The following TMEM181 variants were observed in gnomAD, a reference collection of about 807,000 sequenced individuals.
TMEM181 encodes transmembrane protein 181.
In TMEM181, 39 loss-of-function variants were observed where a neutral mutation model predicts 71.9. That is an observed-to-expected ratio of 0.54 (90% CI 0.42 to 0.71). The LOEUF (loss-of-function observed/expected upper bound fraction) is 0.71, where lower values mean the gene tolerates loss of function less well. Ranked by LOEUF, TMEM181 falls within the 30% of genes least tolerant of loss-of-function variation. The pLI, the probability that TMEM181 is intolerant of heterozygous loss-of-function variation, is 0.00. For synonymous variants in TMEM181, 245 were observed against 228.8 expected, an observed-to-expected ratio of 1.07 and a Z score of -0.64; for missense variants, 595 against 583.0, an observed-to-expected ratio of 1.02 and a Z score of -0.21.
chr6:158,618,890 T>C (rs762866910), intron 10 of TMEM181, among the ~76,000 whole-genome samples: 11 of 152,244 alleles, frequency 7.2e-5, no homozygotes, highest in Admixed American at 2.0e-4. Context: ...CCTTTGTGAG[T>C]AACCTGACCT....
chr6:158,559,395 CTTTA>C (rs1782026293), upstream of TMEM181, among the ~76,000 whole-genome samples: 1 of 152,178 alleles, frequency 6.6e-6, no homozygotes, highest in African/African-American at 2.4e-5. Context: ...CTTGGAAGTC[CTTTA>C]TTTAACTCAT....
chr6:158,574,130 GTT>G, intron 2 of TMEM181, among the ~76,000 whole-genome samples: 1 of 152,274 alleles, frequency 6.6e-6, no homozygotes, highest in South Asian at 2.1e-4. Flanking sequence ...CCATTGCTTT[GTT>G]TCCCTCTTAA....
intron 11 of TMEM181, 35 bp downstream of exon 11, chr6:158,623,642 C>A: frequency 4.1e-6 from 6 of 1,449,442 alleles, no homozygotes; most frequent in Non-Finnish European, 5.7e-6. Flanking sequence ...AATTTTTCTT[C>A]TTAATGCTGT....
chr6:158,579,609 C>T (rs1445769462), intron 2 of TMEM181, among the ~76,000 whole-genome samples: 2 of 152,008 alleles, frequency 1.3e-5, no homozygotes, highest in East Asian at 3.9e-4. Context: ...ATCCCAGCTA[C>T]TTGGGAGGCT....
At position 158,584,141 on chromosome 6, in the gene TMEM181, AAGAT is replaced by A. The variant is rs1456367953; in HGVS notation, c.259+102_259+105del. On this transcript the variant is annotated intron_variant, in intron 4 of 16. Coordinates refer to ENST00000684151, the MANE Select transcript of TMEM181 (RefSeq NM_001376852.1). ...GAATATTCAGACAAGCAAGTGCTCA[AAGAT>A]AGATGTATAAGGATGTCCATTATTA... 3.0e-6 allele frequency: 3 copies of A among 1,004,282 alleles called. No individual in the cohort carries two copies. In the East Asian group the frequency reaches 7.6e-5, roughly 25 times the overall value. 62.2% of individuals were successfully genotyped at this position (1,004,282 alleles called of 1,614,324 possible).
chr6:158,615,985 ATAAACTT>A (rs148369879), intron 10 of TMEM181, among the ~76,000 whole-genome samples: 5,282 of 152,300 alleles, frequency 0.035, 111 homozygotes, highest in Non-Finnish European at 0.057. Context: ...TTGGCTCCAT[ATAAACTT>A]TAAAGTAGTT....
At chr6:158,627,277 CG>C (rs578039223) in intron 13 of TMEM181, among the ~76,000 whole-genome samples, 9 of 152,208 alleles carry the variant, frequency 5.9e-5, no homozygotes, top group Non-Finnish European at 1.0e-4. Flanking sequence ...GCCTCCGTCT[CG>C]GAAGTTGCCC....
intron 5 of TMEM181, among the ~76,000 whole-genome samples, chr6:158,585,879 C>T (rs1469744932): frequency 2.0e-5 from 3 of 152,286 alleles, no homozygotes; most frequent in African/African-American, 7.2e-5. Flanking sequence ...GGCTGGAGTG[C>T]AGTGGCACAA....
At chr6:158,540,885 G>C (rs556222708) in intron 1 of TMEM181, among the ~76,000 whole-genome samples, 1 of 152,192 alleles carries the variant, frequency 6.6e-6, no homozygotes, top group Admixed American at 6.5e-5. Flanking sequence ...CAGCCTCCCA[G>C]GTAGCTGGTA....
At position 158,569,600 on chromosome 6, in the gene TMEM181, T is replaced by C. The variant is rs1782693839; in HGVS notation, c.9-3820T>C. 9.3e-5 allele frequency among the ~76,000 whole-genome samples: 14 copies of C among 150,590 alleles called. No individual in the cohort carries two copies. The South Asian group carries it at 2.9e-3, about 31-fold the overall frequency. On this transcript the variant is annotated intron_variant, in intron 1 of 16. Transcript: ENST00000684151. ...GTTGTGCCCTCATGCCCTTTCTCTT[T>C]TTTTTTTTTTTTTAAATTGAGACAG...
intron 1 of TMEM181, among the ~76,000 whole-genome samples, chr6:158,542,621 T>C (rs1360007007): frequency 3.9e-5 from 6 of 152,178 alleles, no homozygotes; most frequent in Non-Finnish European, 8.8e-5. Context: ...TTGTTTGTTT[T>C]TGAGGCAGAG....
At chr6:158,603,932 T>C (rs1017019947) in intron 6 of TMEM181, among the ~76,000 whole-genome samples, 2 of 152,196 alleles carry the variant, frequency 1.3e-5, no homozygotes, top group Non-Finnish European at 2.9e-5. Context: ...TCCTTGGAAA[T>C]GGTTTGATCT....
rs112252364 is a variant in TMEM181, at chr6:158,573,063, A to G, written c.9-357A>G. On this transcript the variant is annotated intron_variant, in intron 1 of 16. Transcript: ENST00000684151. Reference sequence around the variant, plus strand: ...GTGTGTGTATGTATGTGTGTGCATGAGATGAGTAGTGGGATCTGGCCACTG... The same window carrying G: ...GTGTGTGTATGTATGTGTGTGCATGGGATGAGTAGTGGGATCTGGCCACTG... 4.0e-3 allele frequency among the ~76,000 whole-genome samples: 615 copies of G among 152,176 alleles called. 4 individuals carry two copies. Among genetic ancestry groups the G allele is most frequent in the Admixed American group, 7.5e-3 (114 of 15,288 alleles).
chr6:158,571,129 T>C (rs561907376), intron 1 of TMEM181, among the ~76,000 whole-genome samples: 24 of 152,104 alleles, frequency 1.6e-4, no homozygotes, highest in South Asian at 4.2e-4. Context: ...TGGAGTCTCG[T>C]TCTGTTGCCC....
intron 10 of TMEM181, chr6:158,610,077 C>T (rs1031573623): frequency 9.1e-6 from 2 of 219,920 alleles, no homozygotes; most frequent in Non-Finnish European, 1.9e-5. Flanking sequence ...TCCAGCAGAT[C>T]CTCGTCAGCT....
At chr6:158,550,432 C>T (rs925446557) in intron 1 of TMEM181, among the ~76,000 whole-genome samples, 26 of 151,704 alleles carry the variant, frequency 1.7e-4, no homozygotes, top group Non-Finnish European at 3.5e-4. Context: ...CCGTGGCTGG[C>T]GGATCACAAG....
intron 1 of TMEM181, among the ~76,000 whole-genome samples, chr6:158,550,125 TC>T (rs919007155): frequency 6.6e-6 from 1 of 151,898 alleles, no homozygotes; most frequent in African/African-American, 2.4e-5. Flanking sequence ...GCTGGTCTGG[TC>T]CCATGTTGGA....
upstream of TMEM181, among the ~76,000 whole-genome samples, chr6:158,556,348 C>T (rs73012174): frequency 0.26 from 39,127 of 152,066 alleles, 5,160 homozygotes; most frequent in Middle Eastern, 0.29. Flanking sequence ...TGATCCTTTT[C>T]CCGATTCCAT....
chr6:158,558,484 G>A (rs1007967720), upstream of TMEM181, among the ~76,000 whole-genome samples: 1 of 152,194 alleles, frequency 6.6e-6, no homozygotes, highest in Admixed American at 6.5e-5. Flanking sequence ...GGGCTGCAAC[G>A]TGGTTAGACA....
Sources: gnomAD v4.1 joint callset for allele counts (sites outside exome capture counted in the v4.1 genomes callset) on GRCh38, gnomAD v4.1.1 for gene constraint, MANE v1.5 for transcripts, NCBI Gene and HGNC (gene_info 2026-07-23, HGNC 2026-07-21) for gene names.